BBS9: variants seen among roughly 807,000 people sequenced by gnomAD.
BBS9 encodes protein PTHB1.
A neutral mutation model predicts 117.7 loss-of-function variants in BBS9; 89 were observed. That is an observed-to-expected ratio of 0.76 (90% CI 0.64 to 0.90). The LOEUF (loss-of-function observed/expected upper bound fraction) is 0.90. Ranked by LOEUF, BBS9 falls within the 40% of genes least tolerant of loss-of-function variation. BBS9 has a pLI of 0.00. For missense variants in BBS9, 982 were observed against 1,042.2 expected, an observed-to-expected ratio of 0.94 and a Z score of 0.80; for synonymous variants, 379 against 370.9, an observed-to-expected ratio of 1.02 and a Z score of -0.25.
chr7:33,571,680 G>T (rs1423602544), intron 21 of BBS9, among the ~76,000 whole-genome samples: 1 of 151,418 alleles, frequency 6.6e-6, no homozygotes, highest in South Asian at 2.1e-4. Flanking sequence ...TTATCATTTT[G>T]GAATTTGAGA....
intron 19 of BBS9, among the ~76,000 whole-genome samples, chr7:33,442,140 C>T (rs781698788): frequency 3.9e-5 from 6 of 152,274 alleles, no homozygotes; most frequent in East Asian, 3.9e-4. Flanking sequence ...GATCCGCTCA[C>T]GTTGGCCTCC....
chr7:33,236,860 G>C (rs554829099), intron 5 of BBS9, among the ~76,000 whole-genome samples: 1 of 151,928 alleles, frequency 6.6e-6, no homozygotes, highest in South Asian at 2.1e-4. Flanking sequence ...CAGTACAATA[G>C]ATCATTAAAA....
intron 21 of BBS9, among the ~76,000 whole-genome samples, chr7:33,548,070 T>C (rs1853705937): frequency 6.6e-6 from 1 of 152,214 alleles, no homozygotes; most frequent in Admixed American, 6.5e-5. Flanking sequence ...TGGTAACTAA[T>C]TACAATGTGA....
downstream of BBS9, among the ~76,000 whole-genome samples, chr7:33,608,258 G>A (rs1369311616): frequency 1.3e-5 from 2 of 151,984 alleles, no homozygotes; most frequent in Admixed American, 1.3e-4. Context: ...TGTGGTATAC[G>A]TGTACCACAT....
intron 19 of BBS9, among the ~76,000 whole-genome samples, chr7:33,393,381 G>A (rs1484977825): frequency 1.3e-5 from 2 of 152,098 alleles, no homozygotes; most frequent in Non-Finnish European, 2.9e-5. Context: ...CATGTCACCT[G>A]CACAGTCACA....
intron 1 of BBS9, among the ~76,000 whole-genome samples, chr7:33,141,973 T>C (rs111725534): frequency 0.033 from 5,033 of 152,160 alleles, 109 homozygotes; most frequent in South Asian, 0.062. Flanking sequence ...TCTCGCTCTT[T>C]TGCCCAGGCC....
intron 5 of BBS9, among the ~76,000 whole-genome samples, chr7:33,204,895 C>A (rs568369878): frequency 1.3e-5 from 2 of 152,174 alleles, no homozygotes; most frequent in Non-Finnish European, 1.5e-5. Flanking sequence ...ATTTCATGTT[C>A]CTCTTAGTTT....
intron 5 of BBS9, among the ~76,000 whole-genome samples, chr7:33,257,013 A>C (rs1049057322): frequency 1.3e-5 from 2 of 152,174 alleles, no homozygotes; most frequent in African/African-American, 4.8e-5. Flanking sequence ...TGTGCTTAAT[A>C]CTGGTAGACT....
intron 9 of BBS9, among the ~76,000 whole-genome samples, chr7:33,312,011 G>A (rs1809360297): frequency 6.6e-6 from 1 of 152,170 alleles, no homozygotes; most frequent in African/African-American, 2.4e-5. Context: ...TTTGCATTTT[G>A]TAATACAAGG....
chr7:33,628,438 G>A (rs188860278), intron 21 of BBS9, among the ~76,000 whole-genome samples: 2 of 152,296 alleles, frequency 1.3e-5, no homozygotes, highest in East Asian at 3.9e-4. Context: ...AACAGAATAT[G>A]AGAGAAAAAC....
chr7:33,390,941 A>G (rs1473189297), intron 19 of BBS9, among the ~76,000 whole-genome samples: 1 of 152,152 alleles, frequency 6.6e-6, no homozygotes, highest in Non-Finnish European at 1.5e-5. Context: ...CTCTTTGCAT[A>G]TTAGTGCATA....
intron 5 of BBS9, among the ~76,000 whole-genome samples, chr7:33,253,547 G>A (rs956470217): frequency 6.6e-6 from 1 of 152,162 alleles, no homozygotes; most frequent in African/African-American, 2.4e-5. Flanking sequence ...GGGAGGAGGA[G>A]GTTGCAGTGA....
intron 9 of BBS9, among the ~76,000 whole-genome samples, chr7:33,315,305 A>G (rs1810245536): frequency 6.6e-6 from 1 of 151,998 alleles, no homozygotes; most frequent in Non-Finnish European, 1.5e-5. Context: ...TAGACTCATC[A>G]TTGCAGTCTC....
intron 5 of BBS9, among the ~76,000 whole-genome samples, chr7:33,252,002 G>A (rs924737057): frequency 1.3e-5 from 2 of 152,154 alleles, no homozygotes; most frequent in African/African-American, 4.8e-5. Context: ...TCTGCAGGCT[G>A]TACAGGAAGC....
At chr7:33,405,761 G>A (rs1388169190) in intron 19 of BBS9, among the ~76,000 whole-genome samples, 9 of 151,954 alleles carry the variant, frequency 5.9e-5, no homozygotes, top group African/African-American at 2.2e-4. Context: ...CTTGCTAGCG[G>A]TCTATCAATT....
At chr7:33,476,727 T>C (rs80144013) in intron 19 of BBS9, among the ~76,000 whole-genome samples, 1,847 of 152,332 alleles carry the variant, frequency 0.012, 31 homozygotes, top group African/African-American at 0.042. Flanking sequence ...CAAAATGGTT[T>C]GTTTTCTTGA....
chr7:33,455,264 G>A (rs1051496448), intron 19 of BBS9, among the ~76,000 whole-genome samples: 4 of 152,000 alleles, frequency 2.6e-5, no homozygotes, highest in African/African-American at 7.3e-5. Context: ...TGTTGGTACT[G>A]TAGTGGGAGG....
chr7:33,134,757 C>T (rs1180126711), intron 1 of BBS9, among the ~76,000 whole-genome samples: 1 of 152,010 alleles, frequency 6.6e-6, no homozygotes, highest in Non-Finnish European at 1.5e-5. Flanking sequence ...CAACCATGCC[C>T]AGCTTATTTT....
intron 5 of BBS9, among the ~76,000 whole-genome samples, chr7:33,190,613 A>G (rs1026223392): frequency 1.3e-5 from 2 of 152,158 alleles, no homozygotes; most frequent in Admixed American, 1.3e-4. Flanking sequence ...TTCCTGGGAT[A>G]GGCTATTTCC....
Sources: gnomAD v4.1 joint callset for allele counts (sites outside exome capture counted in the v4.1 genomes callset) on GRCh38, gnomAD v4.1.1 for gene constraint, MANE v1.5 for transcripts, NCBI Gene and HGNC (gene_info 2026-07-23, HGNC 2026-07-21) for gene names.